Variants in RAP1GDS1 observed in about 807,000 individuals in gnomAD.
RAP1GDS1 encodes the protein RAP1, GTP-GDP dissociation stimulator 1.
A neutral mutation model predicts 71.1 loss-of-function variants in RAP1GDS1; 35 were observed. That is an observed-to-expected ratio of 0.49 (90% CI 0.38 to 0.65). The LOEUF (loss-of-function observed/expected upper bound fraction) is 0.65. RAP1GDS1 is among the 30% of genes least tolerant of loss of function. The probability of loss-of-function intolerance (pLI) is 0.00; values close to 1 mark genes in which losing one functional copy is unlikely to be tolerated. For missense variants in RAP1GDS1, 663 were observed against 706.1 expected (o/e 0.94, Z 0.69); for synonymous variants, 229 against 243.1 (o/e 0.94, Z 0.54).
intron 4 of RAP1GDS1, among the ~76,000 whole-genome samples, chr4:98,366,709 A>G (rs907580379): frequency 6.6e-6 from 1 of 152,104 alleles, no homozygotes; most frequent in Non-Finnish European, 1.5e-5. Flanking sequence ...AGCAAAGGTG[A>G]TTCTTGTTAT....
chr4:98,360,270 T>C (rs777378563), intron 4 of RAP1GDS1, among the ~76,000 whole-genome samples: 6 of 152,202 alleles, frequency 3.9e-5, no homozygotes, highest in African/African-American at 1.4e-4. Flanking sequence ...AGAGGCAACC[T>C]GTGAGAGAGT....
rs558301895 is a variant in RAP1GDS1, at chr4:98,423,816, T to C, written c.1440+2422T>C. On this transcript the variant is annotated intron_variant, in intron 12 of 14. Transcript: ENST00000408927. ...ACCTCGGCCTCCCAAAGTGTTGGGATTACAAGCGTGAGCCACCACACCCAG... is the reference window on the plus strand; with the variant it reads ...ACCTCGGCCTCCCAAAGTGTTGGGACTACAAGCGTGAGCCACCACACCCAG... 8.5e-5 allele frequency among the ~76,000 whole-genome samples: 13 copies of C among 152,254 alleles called. No individual in the cohort carries two copies. The South Asian group carries it at 2.7e-3, about 32-fold the overall frequency.
intron 6 of RAP1GDS1, among the ~76,000 whole-genome samples, chr4:98,399,044 C>CT (rs796490853): frequency 9.2e-5 from 14 of 151,470 alleles, no homozygotes; most frequent in East Asian, 5.8e-4. Flanking sequence ...ATACCAATGA[C>CT]TTTTTTTTTG....
At chr4:98,290,603 T>C (rs192510526) in intron 1 of RAP1GDS1, among the ~76,000 whole-genome samples, 5 of 152,150 alleles carry the variant, frequency 3.3e-5, no homozygotes, top group Admixed American at 3.3e-4. Context: ...ATAAAGAGCC[T>C]CTGGTGCCTA....
chr4:98,296,260 T>G (rs1417238099), intron 2 of RAP1GDS1, among the ~76,000 whole-genome samples: 1 of 152,138 alleles, frequency 6.6e-6, no homozygotes, highest in Non-Finnish European at 1.5e-5. Context: ...AAAGGTTATC[T>G]CTGAAAGGAA....
In RAP1GDS1 at chr4:98,442,452, A is replaced by C; in HGVS notation, c.*335A>C. On this transcript the variant is annotated 3_prime_UTR_variant, in exon 15 of 15. Coordinates refer to ENST00000408927, the MANE Select transcript of RAP1GDS1 (RefSeq NM_001100427.2). The stretch of plus-strand genomic sequence containing the variant: ...GCTCCACACATGCAGTAAACTACAT[A>C]ATGATGTACTGGTAAACTAGAAACA... The C allele has an allele frequency of 4.1e-6, 1 of 242,234 alleles. No homozygotes were observed. Among genetic ancestry groups the C allele is most frequent in the Non-Finnish European group, 8.1e-6 (1 of 123,904 alleles). 15.0% of individuals were successfully genotyped at this position (242,234 alleles called of 1,614,324 possible). A position where few individuals can be genotyped will look rare whatever the true frequency, so the allele number is the denominator to read the frequency against.
chr4:98,438,588 A>ATATATATT (rs1214035409), intron 14 of RAP1GDS1, among the ~76,000 whole-genome samples: 2 of 86,914 alleles, frequency 2.3e-5, no homozygotes, highest in African/African-American at 1.5e-4. Flanking sequence ...ATATATATAT[A>ATATATATT]TCTTTTTTTT....
chr4:98,431,765 C>T (rs1209666000), intron 12 of RAP1GDS1, among the ~76,000 whole-genome samples: 1 of 152,132 alleles, frequency 6.6e-6, no homozygotes, highest in Non-Finnish European at 1.5e-5. Flanking sequence ...GTACAATGTC[C>T]AGCTTATAGT....
At chr4:98,308,259 TACAC>T (rs534438192) in intron 2 of RAP1GDS1, among the ~76,000 whole-genome samples, 1 of 141,678 alleles carries the variant, frequency 7.1e-6, no homozygotes, top group Non-Finnish European at 1.5e-5. Context: ...CATGTATATA[TACAC>T]ACACACCCAC....
At chr4:98,432,911 T>C (rs1750635289) in intron 12 of RAP1GDS1, among the ~76,000 whole-genome samples, 1 of 152,134 alleles carries the variant, frequency 6.6e-6, no homozygotes, top group Non-Finnish European at 1.5e-5. Flanking sequence ...TTTTTTCATC[T>C]AACTTTTGCC....
intron 2 of RAP1GDS1, among the ~76,000 whole-genome samples, chr4:98,334,263 A>C (rs949549425): frequency 6.6e-6 from 1 of 152,118 alleles, no homozygotes; most frequent in East Asian, 1.9e-4. Flanking sequence ...ATACATACAC[A>C]CAAAAATTTT....
rs183022872 is a variant in RAP1GDS1 at position 98,286,947 on chromosome 4, C to G, written c.5-6461C>G. Among the ~76,000 whole-genome samples, 422 of 141,792 alleles carry G rather than the reference C, an allele frequency of 3.0e-3. 2 individuals are homozygous for G. The highest frequency in any genetic ancestry group is 0.01 in the African/African-American group (400 of 38,778). 93.0% of individuals were successfully genotyped at this position (141,792 alleles called of 152,430 possible). On this transcript the variant is annotated intron_variant, in intron 1 of 14. Coordinates refer to ENST00000408927, the MANE Select transcript of RAP1GDS1 (RefSeq NM_001100427.2). ...AAATTACTGCTTAGAAAATTTTTATCACATTTCTAAAATAGAGAAGATGAC... is the reference window on the plus strand; with the variant it reads ...AAATTACTGCTTAGAAAATTTTTATGACATTTCTAAAATAGAGAAGATGAC...
chr4:98,371,101 T>C (rs1480366849), intron 4 of RAP1GDS1, among the ~76,000 whole-genome samples: 1 of 151,952 alleles, frequency 6.6e-6, no homozygotes, highest in Non-Finnish European at 1.5e-5. Flanking sequence ...ATACATCATT[T>C]AGGATTGTTA....
chr4:98,320,221 G>A (rs1484601105), intron 2 of RAP1GDS1, among the ~76,000 whole-genome samples: 3 of 152,102 alleles, frequency 2.0e-5, no homozygotes, highest in South Asian at 4.1e-4. Context: ...GCGGGTTTTC[G>A]ACTTACTTTA....
Position 98,343,293 on chromosome 4 carries a change from G to C in RAP1GDS1, c.235+32G>C, listed in dbSNP as rs1174372940. On this transcript the variant is annotated intron_variant, in intron 3 of 14. Transcript: ENST00000408927. ...TTTACCTCAAGAACTTTTCTGCTGG[G>C]AACGTCTTCAGTTTTACATCTTACT... 3.2e-6 allele frequency: 5 copies of C among 1,557,490 alleles called. No homozygotes were observed. The South Asian group carries it at 5.6e-5, about 17-fold the overall frequency.
rs531499469 is a variant in RAP1GDS1 at position 98,350,492 on chromosome 4, A to G, written c.236-1984A>G. Among the ~76,000 whole-genome samples, 7 of 152,100 alleles carry G rather than the reference A, an allele frequency of 4.6e-5. No homozygotes were observed. In the East Asian group the frequency reaches 1.4e-3, roughly 30 times the overall value. On this transcript the variant is annotated intron_variant, in intron 3 of 14. Coordinates refer to ENST00000408927, the MANE Select transcript of RAP1GDS1 (RefSeq NM_001100427.2). ...GAGGCCACAATGGGAGGATCACTTG[A>G]GCCTAGAAGTTCGACACCAGCCAGG...
rs1561028721 is a variant in RAP1GDS1, at chr4:98,442,258, ACCTC to A, written c.*145_*148del. On this transcript the variant is annotated 3_prime_UTR_variant, in exon 15 of 15. Coordinates refer to ENST00000408927, the MANE Select transcript of RAP1GDS1 (RefSeq NM_001100427.2). The stretch of plus-strand genomic sequence containing the variant: ...TACCAATTGAAGAACCGCTGTAGGT[ACCTC>A]CCTAATAAGATTTCTAAACCTATAG... 1 of 1,159,736 alleles carries A rather than the reference ACCTC, an allele frequency of 8.6e-7. No homozygotes were observed. The highest frequency in any genetic ancestry group is 2.5e-5 in the East Asian group (1 of 39,306). The allele number at this position is 1,159,736 out of a possible 1,614,324, so 71.8% of individuals were successfully genotyped here.
chr4:98,271,625 T>C (rs1723471720), intron 1 of RAP1GDS1, among the ~76,000 whole-genome samples: 1 of 149,324 alleles, frequency 6.7e-6, no homozygotes, highest in Non-Finnish European at 1.5e-5. Context: ...AACTCATTTA[T>C]GTATATATAA....
At position 98,343,142 on chromosome 4, in the gene RAP1GDS1, C is replaced by T. The variant is rs761176820; in HGVS notation, c.116C>T (p.Thr39Met). The T allele has an allele frequency of 1.2e-5, 20 of 1,607,012 alleles. No individual in the cohort carries two copies. The highest frequency in any genetic ancestry group is 4.5e-5 in the East Asian group (2 of 44,710). ...CLLQALAQNN[T>M]ETSEKIQASG... The stretch of plus-strand genomic sequence containing the variant: ...TCTTTGTATGTATCTCTTTTAGATA[C>T]GGAAACAAGTGAAAAAATCCAAGCA... Residue 39 changes from threonine (T) to methionine (M), a missense_variant, in exon 3 of 15, where the codon ACG becomes ATG. Transcript: ENST00000408927.
Sources: allele counts gnomAD v4.1 joint callset (sites outside exome capture counted in the v4.1 genomes callset), GRCh38; gene constraint gnomAD v4.1.1; transcripts MANE v1.5; gene names NCBI Gene and HGNC (gene_info 2026-07-23, HGNC 2026-07-21).